Variants in ADAMTSL1 observed in about 807,000 individuals in gnomAD.
ADAMTSL1 encodes ADAMTS-like protein 1.
ADAMTSL1 carries 126 observed loss-of-function variants against 201.8 expected under a neutral mutation model. The observed-to-expected ratio is 0.62, with a 90% confidence interval of 0.54 to 0.72. The LOEUF (loss-of-function observed/expected upper bound fraction) is 0.72, where lower values mean the gene tolerates loss of function less well. Ranked by LOEUF, ADAMTSL1 falls within the 30% of genes least tolerant of loss-of-function variation. ADAMTSL1 has a pLI of 0.00. For missense variants in ADAMTSL1, 2,679 were observed against 2,277.8 expected, an observed-to-expected ratio of 1.18 and a Z score of -3.59; for synonymous variants, 1,121 against 903.4, an observed-to-expected ratio of 1.24 and a Z score of -4.32.
At position 18,861,406 on chromosome 9, in the gene ADAMTSL1, C is replaced by T. The variant is rs560494380; in HGVS notation, c.4250-26425C>T. On this transcript the variant is annotated intron_variant, in intron 23 of 28. Transcript: ENST00000380548. The stretch of plus-strand genomic sequence containing the variant: ...AGGGCTCCTAAGTCCATGTGAATCT[C>T]GGAAAGGTCAGAATTGGACCCAGGA... Among the ~76,000 whole-genome samples the T allele has an allele frequency of 2.2e-4, 34 of 152,296 alleles. 1 individual carries two copies. The East Asian group carries it at 2.9e-3, about 13-fold the overall frequency.
intron 2 of ADAMTSL1, among the ~76,000 whole-genome samples, chr9:18,253,223 G>A (rs1004753207): frequency 5.3e-5 from 8 of 152,130 alleles, no homozygotes; most frequent in Admixed American, 2.0e-4. Context: ...GTATATGTCT[G>A]TATGGGTATA....
intron 8 of ADAMTSL1, 83 bp downstream of exon 8, chr9:18,657,833 T>C (rs1828799485): frequency 2.5e-6 from 3 of 1,182,380 alleles, no homozygotes; most frequent in African/African-American, 1.5e-5. Flanking sequence ...TACTTCAGCA[T>C]GGAAGAAATT....
intron 1 of ADAMTSL1, among the ~76,000 whole-genome samples, chr9:18,061,297 G>A (rs554317151): frequency 7.9e-5 from 12 of 152,122 alleles, no homozygotes; most frequent in Non-Finnish European, 1.3e-4. Context: ...GGTTAAGGTC[G>A]AGTAGCTTTT....
rs76778655 is a variant in ADAMTSL1 at position 18,866,116 on chromosome 9, C to CAAAAAAAAAAAAAAAAAAAAAA, written c.4250-21701_4250-21700insAAAAAAAAAAAAAAAAAAAAAA. On this transcript the variant is annotated intron_variant, in intron 23 of 28. Transcript: ENST00000380548. ...AGAGAGATTGCTTGCCTTCAAAAACCAAAAAAAAAAAAAATGACGGATACT... is the reference window on the plus strand; with the variant it reads ...AGAGAGATTGCTTGCCTTCAAAAACCAAAAAAAAAAAAAAAAAAAAAAAAAAAAAAAAAAAATGACGGATACT... Among the ~76,000 whole-genome samples the CAAAAAAAAAAAAAAAAAAAAAA allele has an allele frequency of 9.2e-4, 72 of 78,524 alleles. 8 individuals carry two copies. The highest frequency in any genetic ancestry group is 3.5e-3 in the African/African-American group (48 of 13,576). 51.5% of individuals were successfully genotyped at this position (78,524 alleles called of 152,430 possible).
At chr9:17,997,747 G>A (rs1033018115) in intron 1 of ADAMTSL1, among the ~76,000 whole-genome samples, 2 of 152,030 alleles carry the variant, frequency 1.3e-5, no homozygotes, top group Non-Finnish European at 2.9e-5. Flanking sequence ...TGTAATGCAT[G>A]TAGAATATGG....
chr9:18,350,996 G>A (rs1474877949), intron 2 of ADAMTSL1, among the ~76,000 whole-genome samples: 1 of 152,136 alleles, frequency 6.6e-6, no homozygotes, highest in African/African-American at 2.4e-5. Flanking sequence ...TTTTAGCTAT[G>A]GAGAAAACGA....
intron 2 of ADAMTSL1, among the ~76,000 whole-genome samples, chr9:18,306,031 G>A (rs988635305): frequency 6.6e-6 from 1 of 152,116 alleles, no homozygotes; most frequent in African/African-American, 2.4e-5. Flanking sequence ...AATTTTTACT[G>A]TTCTGTAGCC....
chr9:17,922,940 C>G (rs547699719), intron 1 of ADAMTSL1, among the ~76,000 whole-genome samples: 11 of 152,270 alleles, frequency 7.2e-5, no homozygotes, highest in African/African-American at 2.6e-4. Flanking sequence ...CCAACCCTTA[C>G]GCCCCTCGTG....
intron 23 of ADAMTSL1, among the ~76,000 whole-genome samples, chr9:18,863,204 G>T (rs891872891): frequency 1.3e-5 from 2 of 152,142 alleles, no homozygotes; most frequent in East Asian, 3.9e-4. Context: ...CAAGTCCTAG[G>T]GTATGGGTGA....
chr9:18,595,092 C>T (rs1824176826), intron 4 of ADAMTSL1, among the ~76,000 whole-genome samples: 1 of 152,066 alleles, frequency 6.6e-6, no homozygotes, highest in South Asian at 2.1e-4. Context: ...TTGATGTGGC[C>T]ATCTGTCCCA....
At chr9:18,251,655 G>A (rs1831468257) in intron 2 of ADAMTSL1, among the ~76,000 whole-genome samples, 1 of 152,160 alleles carries the variant, frequency 6.6e-6, no homozygotes. Context: ...GGTGTGACAA[G>A]ACCCAAGAAA....
intron 1 of ADAMTSL1, among the ~76,000 whole-genome samples, chr9:18,135,803 G>A (rs1826133657): frequency 6.6e-6 from 1 of 151,994 alleles, no homozygotes; most frequent in Non-Finnish European, 1.5e-5. Flanking sequence ...GTGGATATGA[G>A]GTGCTGTCTT....
At chr9:18,268,537 C>T (rs1048862759) in intron 2 of ADAMTSL1, among the ~76,000 whole-genome samples, 1 of 152,078 alleles carries the variant, frequency 6.6e-6, no homozygotes, top group Non-Finnish European at 1.5e-5. Flanking sequence ...TGAAGCATTC[C>T]CATCCTCTCT....
At chr9:18,645,644 G>A (rs1827758398) in intron 7 of ADAMTSL1, among the ~76,000 whole-genome samples, 1 of 151,468 alleles carries the variant, frequency 6.6e-6, no homozygotes, top group South Asian at 2.1e-4. Context: ...ATTAAATAGG[G>A]AATCCTTTCC....
intron 1 of ADAMTSL1, among the ~76,000 whole-genome samples, chr9:18,143,832 C>G (rs773655238): frequency 6.6e-6 from 1 of 152,162 alleles, no homozygotes; most frequent in Non-Finnish European, 1.5e-5. Flanking sequence ...ATAATTTGCA[C>G]AAAGCCACAT....
intron 26 of ADAMTSL1, among the ~76,000 whole-genome samples, chr9:18,904,633 CAAAAAAAAAAAAAAAAAAAAAAA>C (rs71333072): frequency 2.7e-4 from 4 of 14,984 alleles, no homozygotes; most frequent in Non-Finnish European, 3.6e-4. Context: ...GACCCTGCCT[CAAAAAAAAAAAAAAAAAAAAAAA>C]AAAAAAAAAA....
intron 1 of ADAMTSL1, among the ~76,000 whole-genome samples, chr9:18,044,132 T>C (rs1457389346): frequency 1.3e-5 from 2 of 150,998 alleles, no homozygotes; most frequent in African/African-American, 4.9e-5. Flanking sequence ...GTTTAAGTCA[T>C]ATTTCCTGTA....
In ADAMTSL1 at chr9:18,285,526, T is replaced by C. The variant is rs1832959059; in HGVS notation, c.207+121545T>C. Among the ~76,000 whole-genome samples, 3 of 152,124 alleles carry C rather than the reference T, an allele frequency of 2.0e-5. No individual in the cohort carries two copies. The South Asian group carries it at 6.2e-4, about 32-fold the overall frequency. On this transcript the variant is annotated intron_variant, in intron 2 of 29. Coordinates refer to the ADAMTSL1 transcript ENST00000680146. ...GTGTGTTTCACCTTTTAAATACAAT[T>C]ATTAGCTATTTATACTATTTTGGAA...
chr9:18,838,401 ACG>A (rs1825467777), intron 23 of ADAMTSL1, among the ~76,000 whole-genome samples: 1 of 135,634 alleles, frequency 7.4e-6, no homozygotes, highest in Non-Finnish European at 1.5e-5. Flanking sequence ...ACACACACAC[ACG>A]CAAAAACCTA....
Sources: allele counts gnomAD v4.1 joint callset (sites outside exome capture counted in the v4.1 genomes callset), GRCh38; gene constraint gnomAD v4.1.1; transcripts MANE v1.5; gene names NCBI Gene and HGNC (gene_info 2026-07-23, HGNC 2026-07-21).